Variants in SIGLEC11 observed in about 807,000 individuals in gnomAD.
SIGLEC11 encodes sialic acid binding Ig like lectin 11.
SIGLEC11 carries 47 observed loss-of-function variants against 61.2 expected under a neutral mutation model. That is an observed-to-expected ratio of 0.77 (90% CI 0.61 to 0.98). The LOEUF is 0.98. SIGLEC11 is among the 50% of genes least tolerant of loss of function. SIGLEC11 has a pLI of 0.00. For missense variants in SIGLEC11, 610 were observed against 870.3 expected (o/e 0.70, Z 3.76); for synonymous variants, 278 against 373.1 (o/e 0.75, Z 2.94).
At position 49,958,568 on chromosome 19, in the gene SIGLEC11, G is replaced by A. The variant is rs2076215858; in HGVS notation, c.1366C>T (p.Pro456Ser). 1.3e-6 allele frequency: 2 copies of A among 1,571,424 alleles called. No homozygotes were observed. The highest frequency in any genetic ancestry group is 8.6e-7 in the Non-Finnish European group (1 of 1,160,376). The change falls in exon 8 of 11, where the codon CCT (proline) becomes TCT (serine). Residue 456 changes from proline (P) to serine (S), a missense_variant and splice_region_variant. Transcript: ENST00000447370. Reference protein sequence around the residue: ...HVSLSLSVHYPPQLLGPSCSW... With the variant: ...HVSLSLSVHYSPQLLGPSCSW... ...CAGGAGGGGCCCAGCAGCTGTGGAG[G>A]GTCTGTGGGGAGGGAGGACAGGACT...
Position 49,958,690 on chromosome 19 carries a change from T to C in SIGLEC11, c.1316A>G (p.Gln439Arg), listed in dbSNP as rs369288400. 5.8e-5 allele frequency: 94 copies of C among 1,611,024 alleles called. No homozygotes were observed. Among genetic ancestry groups the C allele is most frequent in the South Asian group, 4.3e-4 (39 of 90,602 alleles). Residue 439 changes from glutamine (Q) to arginine (R), a missense_variant, in exon 7 of 11, where the codon CAG (glutamine) becomes CGG (arginine). By Grantham distance (43) the Gln-to-Arg change is conservative. Coordinates refer to ENST00000447370, the MANE Select transcript of SIGLEC11 (RefSeq NM_052884.3). ...GACGTGCTGGGAGCCCAGAGGGTGC[T>C]GAGCGTGGCAGGTGAACTCTCCTTC... ...EHEGEFTCHA[Q>R]HPLGSQHVSL...
intron 4 of SIGLEC11, 59 bp from the exon 5 acceptor site, chr19:49,959,682 G>GGGGCC: frequency 4.3e-5 from 7 of 164,078 alleles, no homozygotes; most frequent in East Asian, 2.3e-4. Context: ...GGGAGGGGGG[G>GGGGCC]CTGCAAAGAG....
chr19:49,956,399 C>T (rs537414107), intron 8 of SIGLEC11, among the ~76,000 whole-genome samples: 1 of 152,286 alleles, frequency 6.6e-6, no homozygotes. Context: ...TAAATCACAC[C>T]TACTATCAGC....
chr19:49,956,200 T>C (rs1439602393), intron 8 of SIGLEC11, among the ~76,000 whole-genome samples: 3 of 152,220 alleles, frequency 2.0e-5, no homozygotes, highest in Non-Finnish European at 4.4e-5. Flanking sequence ...TTCAAGCGTC[T>C]GGCTCTTAAA....
In SIGLEC11 at chr19:49,960,601, G is replaced by C. The variant is rs2122925034; in HGVS notation, c.411C>G (p.Ser137Arg). 1 of 1,599,592 alleles carries C rather than the reference G, an allele frequency of 6.3e-7. No individual in the cohort carries two copies. Among genetic ancestry groups the C allele is most frequent in the East Asian group, 2.2e-5 (1 of 44,882 alleles). ...AWYFFRVERG[S>R]RVRHSFLSNA... is the part of the protein sequence containing the mutation. The stretch of plus-strand genomic sequence containing the variant: ...TGCTCAGGAAACTATGTCTCACACG[G>C]CTTCCTCTCTCCACCCGAAAGAAGT... Residue 137 changes from serine to arginine, a missense_variant, in exon 2 of 11, where the codon AGC becomes AGG. Coordinates refer to ENST00000447370, the MANE Select transcript of SIGLEC11 (RefSeq NM_052884.3).
At chr19:49,959,296 G>A in intron 5 of SIGLEC11, 64 bp downstream of exon 5, 1 of 1,586,744 alleles carries the variant, frequency 6.3e-7, no homozygotes, top group Non-Finnish European at 8.5e-7. Flanking sequence ...CTGGGACCCT[G>A]AGCCCAGCCC....
Position 49,951,939 on chromosome 19 carries a change from C to G in SIGLEC11, c.1782G>C (p.Arg594Ser). The change falls in exon 10 of 11, where the codon AGG (arginine) becomes AGC (serine). Residue 594 changes from arginine to serine, a missense_variant. Arg to Ser is a moderately radical substitution (Grantham distance 110, BLOSUM62 -1). Around this residue, in one of 6 missense-constraint regions of SIGLEC11, gnomAD observed 432 missense variants for 441.5 expected, o/e 0.98. Transcript: ENST00000447370. The surrounding 1 kb of genome is among the most constrained non-coding windows in gnomAD (Gnocchi z 4.6). Reference protein sequence around the residue: ...VKICRKEARKRAAAEQDVPST... With the variant: ...VKICRKEARKSAAAEQDVPST... ...AGGGCACGTCCTGCTCAGCTGCTGC[C>G]CTCTTGCGAGCTTCCTTCCTGCAGA... The G allele has an allele frequency of 6.2e-7, 1 of 1,611,122 alleles. No homozygotes were observed. Among genetic ancestry groups the G allele is most frequent in the Non-Finnish European group, 8.5e-7 (1 of 1,179,036 alleles).
At position 49,952,537 on chromosome 19, in the gene SIGLEC11, A is replaced by G. The variant is rs878977874; in HGVS notation, c.1652-143T>C. On this transcript the variant is annotated intron_variant, in intron 8 of 10. Transcript: ENST00000447370. The stretch of plus-strand genomic sequence containing the variant: ...AATAAATATGCATTCATTCACTCCA[A>G]GAAAAGTAACAGGCAAGGAAAGGGT... 5 of 609,174 alleles carry G rather than the reference A, an allele frequency of 8.2e-6. No homozygotes were observed. In the East Asian group the frequency reaches 1.4e-4, roughly 17 times the overall value. The allele number at this position is 609,174 out of a possible 1,614,324, so 37.7% of individuals were successfully genotyped here. A position where few individuals can be genotyped will look rare whatever the true frequency, so the allele number is the denominator to read the frequency against.
chr19:49,953,225 C>T (rs1362396360), intron 8 of SIGLEC11, among the ~76,000 whole-genome samples: 1 of 152,210 alleles, frequency 6.6e-6, no homozygotes, highest in East Asian at 1.9e-4. Context: ...CACAACAAAA[C>T]CTGAAAGGAG....
chr19:49,949,830 A>G lies in SIGLEC11; in HGVS notation c.*140T>C. On this transcript the variant is annotated 3_prime_UTR_variant, in exon 11 of 11. Transcript: ENST00000447370. ...GGACTCTGGCCTGGAGGACAGAGTC[A>G]GACCCTGTCTCAAAAAAAGTATAAT... 1.1e-6 allele frequency: 1 copy of G among 914,662 alleles called. No homozygotes were observed. Among genetic ancestry groups the G allele is most frequent in the South Asian group, 4.4e-5 (1 of 22,988 alleles). 56.7% of individuals were successfully genotyped at this position (914,662 alleles called of 1,614,324 possible).
intron 9 of SIGLEC11, 65 bp downstream of exon 9, chr19:49,952,233 A>G (rs2076163146): frequency 1.3e-6 from 2 of 1,496,704 alleles, no homozygotes; most frequent in South Asian, 2.4e-5. Context: ...TGCAGCTGGG[A>G]CTGTCTGGGA....
At chr19:49,952,986 CTAAAA>C (rs1304878139) in intron 8 of SIGLEC11, among the ~76,000 whole-genome samples, 1 of 152,176 alleles carries the variant, frequency 6.6e-6, no homozygotes, top group African/African-American at 2.4e-5. Context: ...CGGTTTGCAC[CTAAAA>C]TAAACAATCC....
Position 49,960,738 on chromosome 19 carries a change from T to C in SIGLEC11, c.274A>G (p.Ser92Gly). 1 of 1,613,132 alleles carries C rather than the reference T, an allele frequency of 6.2e-7. No homozygotes were observed. The highest frequency in any genetic ancestry group is 1.1e-5 in the South Asian group (1 of 91,056). ...CGGGTGCTCATTTCCACCTCTCGAC[T>C]CTGGTTGTTAGTGGCCACAGGAGCA... ...TGAPVATNNQSREVEMSTRDR... is the reference protein window; with the variant it reads ...TGAPVATNNQGREVEMSTRDR... Residue 92 changes from serine to glycine, a missense_variant, in exon 2 of 11, where the codon AGT (serine) becomes GGT (glycine). This residue lies in a region of SIGLEC11 where 99 missense variants were observed against 131.6 expected (regional missense o/e 0.75). Coordinates refer to ENST00000447370, the MANE Select transcript of SIGLEC11 (RefSeq NM_052884.3).
chr19:49,957,231 G>GA (rs1402145758), intron 8 of SIGLEC11, among the ~76,000 whole-genome samples: 1 of 151,948 alleles, frequency 6.6e-6, no homozygotes, highest in East Asian at 1.9e-4. Context: ...TTTGTCTAAA[G>GA]AAAAAAAGTG....
intron 10 of SIGLEC11, among the ~76,000 whole-genome samples, chr19:49,950,612 G>A (rs2076152931): frequency 6.6e-6 from 1 of 152,120 alleles, no homozygotes; most frequent in Admixed American, 6.5e-5. Flanking sequence ...TCACGTCCAG[G>A]TTTCTCTGAC....
At chr19:49,959,193 A>T in intron 5 of SIGLEC11, 116 bp from the exon 6 acceptor site, 1 of 1,515,176 alleles carries the variant, frequency 6.6e-7, no homozygotes, top group South Asian at 1.3e-5. Context: ...GCAGGGCAGA[A>T]TCACCCACTG....
intron 8 of SIGLEC11, 143 bp downstream of exon 8, chr19:49,958,140 A>AGT: frequency 1.4e-5 from 17 of 1,206,204 alleles, no homozygotes; most frequent in Non-Finnish European, 1.2e-6. Context: ...AGTTTCCCGC[A>AGT]ACAACTACCA....
Position 49,959,116 on chromosome 19 carries a change from G to T in SIGLEC11, c.1058-39C>A. On this transcript the variant is annotated intron_variant, in intron 5 of 10. Coordinates refer to ENST00000447370, the MANE Select transcript of SIGLEC11 (RefSeq NM_052884.3). Reference sequence around the variant, plus strand: ...AGGGGACCGGCTCTAGACAGACCAGGGGCTTCCCTCTGGGTAAAGGGAACT... The same window carrying T: ...AGGGGACCGGCTCTAGACAGACCAGTGGCTTCCCTCTGGGTAAAGGGAACT... 1.9e-6 allele frequency: 3 copies of T among 1,612,244 alleles called. No homozygotes were observed. The South Asian group carries it at 3.3e-5, about 18-fold the overall frequency.
At chr19:49,954,444 G>C (rs797004387) in intron 8 of SIGLEC11, among the ~76,000 whole-genome samples, 2 of 152,150 alleles carry the variant, frequency 1.3e-5, no homozygotes, top group Non-Finnish European at 2.9e-5. Flanking sequence ...GGCCGTGCTT[G>C]AGCTATGCAA....
Sources: gnomAD v4.1 joint callset for allele counts (sites outside exome capture counted in the v4.1 genomes callset) on GRCh38, gnomAD v4.1.1 for gene constraint, gnomAD v4.1.1 regional missense constraint, Gnocchi (gnomAD v3.1) non-coding constraint, MANE v1.5 for transcripts, NCBI Gene and HGNC (gene_info 2026-07-23, HGNC 2026-07-21) for gene names.